Variants in VPS13B observed in about 807,000 individuals in gnomAD.
VPS13B encodes vacuolar protein sorting 13 homolog B, also known as intermembrane lipid transfer protein VPS13B.
In VPS13B, 285 loss-of-function variants were observed where a neutral mutation model predicts 426.4. The ratio of observed to expected loss-of-function variants is 0.67; its 90% CI spans 0.61 to 0.74. VPS13B has a LOEUF of 0.74. Ranked by LOEUF, VPS13B falls within the 30% of genes least tolerant of loss-of-function variation. The pLI is 0.00. For missense variants in VPS13B, 4,537 were observed against 4,782.6 expected, an observed-to-expected ratio of 0.95 and a Z score of 1.51; for synonymous variants, 1,676 against 1,676.4, an observed-to-expected ratio of 1.00 and a Z score of 0.01.
intron 33 of VPS13B, among the ~76,000 whole-genome samples, chr8:99,596,154 A>C (rs1164931130): frequency 6.6e-6 from 1 of 151,964 alleles, no homozygotes. Context: ...CAACTACTGC[A>C]CTAAAGTATC....
At chr8:99,524,949 A>G (rs1016206991) in intron 30 of VPS13B, among the ~76,000 whole-genome samples, 14 of 152,248 alleles carry the variant, frequency 9.2e-5, no homozygotes. Context: ...AATATCCTTC[A>G]TACATGTTGT....
chr8:99,596,128 A>G (rs904927909), intron 33 of VPS13B, among the ~76,000 whole-genome samples: 1 of 151,990 alleles, frequency 6.6e-6, no homozygotes, highest in Admixed American at 6.6e-5. Flanking sequence ...TGAGAGTTGA[A>G]TAGATCAGCA....
intron 17 of VPS13B, among the ~76,000 whole-genome samples, chr8:99,254,808 G>T (rs1304192439): frequency 6.6e-6 from 1 of 151,634 alleles, no homozygotes; most frequent in African/African-American, 2.4e-5. Context: ...ATGCCTAGCT[G>T]ATTTTTGTAT....
chr8:99,298,397 G>C (rs1475440128), intron 19 of VPS13B, among the ~76,000 whole-genome samples: 1 of 152,164 alleles, frequency 6.6e-6, no homozygotes, highest in African/African-American at 2.4e-5. Context: ...GCTGAGGCAG[G>C]AGAATCACTT....
intron 29 of VPS13B, among the ~76,000 whole-genome samples, chr8:99,513,543 A>T (rs1240329670): frequency 6.6e-6 from 1 of 152,180 alleles, no homozygotes; most frequent in East Asian, 1.9e-4. Context: ...AATGTTGACG[A>T]TTTATAAATG....
At chr8:99,530,659 A>T (rs1588467026) in intron 30 of VPS13B, among the ~76,000 whole-genome samples, 2 of 151,958 alleles carry the variant, frequency 1.3e-5, no homozygotes, top group Non-Finnish European at 2.9e-5. Flanking sequence ...TAGCAGCAGC[A>T]GTAATAGCTA....
At chr8:99,234,220 G>A in intron 17 of VPS13B, 1 of 775,754 alleles carries the variant, frequency 1.3e-6, no homozygotes, top group Admixed American at 1.7e-5. Context: ...TGCCCGCTTA[G>A]CTCCTCCATG....
intron 30 of VPS13B, chr8:99,536,967 A>G (rs1038636622): frequency 2.7e-6 from 1 of 365,784 alleles, no homozygotes; most frequent in African/African-American, 2.1e-5. Context: ...TTAATGAGAT[A>G]TACAGAAAAG....
chr8:99,236,503 G>GC (rs1327497308), intron 17 of VPS13B, among the ~76,000 whole-genome samples: 2 of 152,046 alleles, frequency 1.3e-5, no homozygotes, highest in African/African-American at 4.8e-5. Context: ...ACCTCCTTTG[G>GC]CCCCCCAAAG....
chr8:99,021,323 G>A (rs1313688763), intron 2 of VPS13B, among the ~76,000 whole-genome samples: 1 of 152,040 alleles, frequency 6.6e-6, no homozygotes, highest in Non-Finnish European at 1.5e-5. Context: ...TTAATTTTTT[G>A]AGCCAAAGTC....
intron 17 of VPS13B, among the ~76,000 whole-genome samples, chr8:99,195,375 G>A (rs969716628): frequency 8.5e-5 from 13 of 152,122 alleles, no homozygotes; most frequent in Admixed American, 5.9e-4. Context: ...TTGGCCATTT[G>A]TCATCTTTTG....
intron 19 of VPS13B, among the ~76,000 whole-genome samples, chr8:99,298,897 A>G (rs1452688193): frequency 6.6e-6 from 1 of 152,182 alleles, no homozygotes; most frequent in African/African-American, 2.4e-5. Flanking sequence ...GAGCTAGCAC[A>G]AGGCCAAGGA....
At chr8:99,013,496 A>G in intron 1 of VPS13B, 149 bp downstream of exon 1, 1 of 422,216 alleles carries the variant, frequency 2.4e-6, no homozygotes, top group Non-Finnish European at 4.4e-6. Flanking sequence ...GCCGAAGGGG[A>G]GCCCGCCTCA....
intron 15 of VPS13B, among the ~76,000 whole-genome samples, chr8:99,163,463 G>A (rs1336914227): frequency 1.3e-5 from 2 of 152,242 alleles, no homozygotes; most frequent in African/African-American, 4.8e-5. Context: ...GTGCTCGTTG[G>A]GGAGGCTCGG....
intron 3 of VPS13B, among the ~76,000 whole-genome samples, chr8:99,079,291 G>A (rs933756923): frequency 6.6e-6 from 1 of 152,032 alleles, no homozygotes; most frequent in African/African-American, 2.4e-5. Context: ...CCCCCATCAT[G>A]GTGTGTCTGA....
intron 33 of VPS13B, among the ~76,000 whole-genome samples, chr8:99,616,248 A>G (rs954231358): frequency 2.6e-5 from 4 of 152,338 alleles, no homozygotes; most frequent in Non-Finnish European, 5.9e-5. Context: ...ATTTCATGCA[A>G]CAAATATTTA....
chr8:99,781,310 A>G (rs1812010427), intron 42 of VPS13B, among the ~76,000 whole-genome samples: 3 of 152,198 alleles, frequency 2.0e-5, no homozygotes, highest in Admixed American at 2.0e-4. Flanking sequence ...AAAAGTATTA[A>G]AAGGGTTTTT....
chr8:99,510,194 GTTTA>G (rs1821711995), intron 28 of VPS13B, among the ~76,000 whole-genome samples: 1 of 152,140 alleles, frequency 6.6e-6, no homozygotes, highest in Non-Finnish European at 1.5e-5. Flanking sequence ...TGCAGTAACT[GTTTA>G]TTTAGTTCAG....
chr8:99,516,177 T>G (rs1303365992), intron 29 of VPS13B, among the ~76,000 whole-genome samples: 2 of 152,194 alleles, frequency 1.3e-5, no homozygotes, highest in Non-Finnish European at 2.9e-5. Flanking sequence ...TTGCTACTCT[T>G]AATTTAAATA....
Sources: gnomAD v4.1 joint callset for allele counts (sites outside exome capture counted in the v4.1 genomes callset) on GRCh38, gnomAD v4.1.1 for gene constraint, MANE v1.5 for transcripts, NCBI Gene and HGNC (gene_info 2026-07-23, HGNC 2026-07-21) for gene names.